DYRK1A: variants seen among roughly 807,000 people sequenced by gnomAD.
DYRK1A encodes the protein dual specificity tyrosine-phosphorylation-regulated kinase 1A.
Under a neutral mutation model 79.7 loss-of-function variants are expected in DYRK1A, and 9 were observed. The ratio of observed to expected loss-of-function variants is 0.11; its 90% CI spans 0.07 to 0.20. DYRK1A has a LOEUF of 0.20. DYRK1A is among the 10% of genes least tolerant of loss of function. The probability of loss-of-function intolerance (pLI) is 1.00; values close to 1 mark genes in which losing one functional copy is unlikely to be tolerated. For missense variants in DYRK1A, 622 were observed against 956.0 expected (o/e 0.65, Z 4.61); for synonymous variants, 349 against 329.7 (o/e 1.06, Z -0.63).
intron 1 of DYRK1A, chr21:37,419,351 G>A (rs2050419064): frequency 6.6e-6 from 1 of 152,182 alleles, no homozygotes; most frequent in South Asian, 2.1e-4. Context: ...GGAATTGAGA[G>A]GGTGCTAACA....
At chr21:37,488,306 A>T in intron 6 of DYRK1A, 6 of 960,866 alleles carry the variant, frequency 6.2e-6, no homozygotes, top group Non-Finnish European at 7.4e-6. Context: ...AAAGAACTTT[A>T]GATTAGACAA....
At chr21:37,499,696 TG>T (rs979088718) in intron 9 of DYRK1A, among the ~76,000 whole-genome samples, 64 of 152,242 alleles carry the variant, frequency 4.2e-4, no homozygotes, top group African/African-American at 1.5e-3. Context: ...GCATTTAAAA[TG>T]TATAATTTCA....
chr21:37,482,952 G>C (rs1047689472), intron 5 of DYRK1A, among the ~76,000 whole-genome samples: 1 of 152,178 alleles, frequency 6.6e-6, no homozygotes, highest in Non-Finnish European at 1.5e-5. Context: ...CCTGAACATT[G>C]CTGTTATCCT....
intron 6 of DYRK1A, chr21:37,487,396 C>A (rs1297662622): frequency 6.6e-6 from 1 of 152,064 alleles, no homozygotes; most frequent in African/African-American, 2.4e-5. Flanking sequence ...GATACATGGG[C>A]AAAATATCTT....
At position 37,525,385 on chromosome 21, in the gene DYRK1A, TA is replaced by T. The variant is rs760977607; in HGVS notation, c.*12858del. The T allele has an allele frequency of 7.2e-5, 11 of 152,192 alleles. No individual in the cohort carries two copies. The highest frequency in any genetic ancestry group is 1.5e-4 in the Non-Finnish European group (10 of 68,040). 9.4% of individuals were successfully genotyped at this position (152,192 alleles called of 1,614,324 possible). A position where few individuals can be genotyped will look rare whatever the true frequency, so the allele number is the denominator to read the frequency against. ...GTGTGTGCAGGGGAACTGCCCTTTA[TA>T]AAACCATCAGATCTCATGAGACTTA... is the stretch of plus-strand genomic sequence containing the variant. On this transcript the variant is annotated 3_prime_UTR_variant, in exon 12 of 12. Coordinates refer to ENST00000647188, the MANE Select transcript of DYRK1A (RefSeq NM_001347721.2).
At chr21:37,417,539 T>TCTTTTTCTTTTTCTTTTTC (rs1256835886) in intron 1 of DYRK1A, among the ~76,000 whole-genome samples, 2 of 109,490 alleles carry the variant, frequency 1.8e-5, no homozygotes, top group Admixed American at 1.8e-4. Flanking sequence ...CTTTTTTTTT[T>TCTTTTTCTTTTTCTTTTTC]TTTTTTTTTT....
chr21:37,506,021 G>A (rs1569398139), intron 10 of DYRK1A, 78 bp from the exon 11 acceptor site: 6 of 1,492,226 alleles, frequency 4.0e-6, no homozygotes, highest in Non-Finnish European at 5.4e-6. Context: ...AGTTTTAATG[G>A]TATAGCTTCA....
At chr21:37,459,777 A>G (rs73903987) in intron 2 of DYRK1A, among the ~76,000 whole-genome samples, 7,948 of 152,268 alleles carry the variant, frequency 0.052, 740 homozygotes, top group African/African-American at 0.18. Context: ...TGCTAGCCTA[A>G]AAGGCATTCT....
chr21:37,403,590 T>A (rs2050091380), intron 1 of DYRK1A, among the ~76,000 whole-genome samples: 1 of 150,944 alleles, frequency 6.6e-6, no homozygotes, highest in African/African-American at 2.4e-5. Context: ...TTCAGCCTCC[T>A]GAATAACTGG....
In DYRK1A at chr21:37,378,514, CAA is replaced by C. The variant is rs371872142; in HGVS notation, c.-77+10887_-77+10888del. ...CGCCATTGCACTCCAGCCTGGGCAA[CAA>C]GAGCGAAACTCCATCTCGAAAAACA... On this transcript the variant is annotated intron_variant, in intron 1 of 11. Coordinates refer to ENST00000647188, the MANE Select transcript of DYRK1A (RefSeq NM_001347721.2). Among the ~76,000 whole-genome samples the C allele has an allele frequency of 8.9e-3, 1,361 of 152,304 alleles. 18 individuals carry two copies. The highest frequency in any genetic ancestry group is 0.031 in the African/African-American group (1,306 of 41,562).
intron 5 of DYRK1A, among the ~76,000 whole-genome samples, chr21:37,483,644 G>A (rs2052740659): frequency 6.6e-6 from 1 of 152,066 alleles, no homozygotes; most frequent in East Asian, 1.9e-4. Context: ...GTGCAGTGGA[G>A]TAGTGATCAT....
chr21:37,398,085 ATATATT>A (rs2049989242), intron 1 of DYRK1A, among the ~76,000 whole-genome samples: 2 of 147,004 alleles, frequency 1.4e-5, no homozygotes, highest in Non-Finnish European at 1.5e-5. Flanking sequence ...AAATATATAT[ATATATT>A]TATATTTATA....
chr21:37,368,474 C>T (rs1337077900), intron 1 of DYRK1A, among the ~76,000 whole-genome samples: 3 of 152,208 alleles, frequency 2.0e-5, no homozygotes, highest in Non-Finnish European at 4.4e-5. Flanking sequence ...GGTTACTTGC[C>T]TGTGCCTTTC....
At chr21:37,381,430 C>A (rs1398536654) in intron 1 of DYRK1A, among the ~76,000 whole-genome samples, 1 of 152,134 alleles carries the variant, frequency 6.6e-6, no homozygotes, top group Non-Finnish European at 1.5e-5. Context: ...ATTCTGTCTT[C>A]TGTATTAAAG....
At chr21:37,432,387 G>C (rs982423923) in intron 2 of DYRK1A, among the ~76,000 whole-genome samples, 1 of 152,140 alleles carries the variant, frequency 6.6e-6, no homozygotes, top group Non-Finnish European at 1.5e-5. Context: ...AAAGAAGCAG[G>C]ATTGCCCTTA....
At position 37,517,192 on chromosome 21, in the gene DYRK1A, GACT is replaced by G. The variant is rs1339313226; in HGVS notation, c.*4663_*4665del. 1 of 152,324 alleles carries G rather than the reference GACT, an allele frequency of 6.6e-6. No homozygotes were observed. The highest frequency in any genetic ancestry group is 1.9e-4 in the East Asian group (1 of 5,182). The allele number at this position is 152,324 out of a possible 1,614,324, so 9.4% of individuals were successfully genotyped here. A position where few individuals can be genotyped will look rare whatever the true frequency, so the allele number is the denominator to read the frequency against. On this transcript the variant is annotated 3_prime_UTR_variant, in exon 12 of 12. Coordinates refer to ENST00000647188, the MANE Select transcript of DYRK1A (RefSeq NM_001347721.2). ...ACAGTACTAGAGCCTGAGTCATGTT[GACT>G]ATTAATAAAGTGCATTAAGTTTGGG...
chr21:37,492,971 G>T, intron 7 of DYRK1A, 46 bp from the exon 8 acceptor site: 2 of 1,459,110 alleles, frequency 1.4e-6, no homozygotes, highest in Non-Finnish European at 1.9e-6. Context: ...AATGCTGACT[G>T]CAGTTTTAAG....
At chr21:37,493,771 TG>T (rs2053171645) in intron 8 of DYRK1A, among the ~76,000 whole-genome samples, 1 of 152,084 alleles carries the variant, frequency 6.6e-6, no homozygotes, top group South Asian at 2.1e-4. Context: ...TGTGGGGTTT[TG>T]TTTGTTTTTT....
chr21:37,515,842 A>AC lies in DYRK1A; in HGVS notation c.*3313dup, dbSNP rs1569412301. 1 of 151,620 alleles carries AC rather than the reference A, an allele frequency of 6.6e-6. No individual in the cohort carries two copies. Among genetic ancestry groups the AC allele is most frequent in the African/African-American group, 2.4e-5 (1 of 41,242 alleles). 9.4% of individuals were successfully genotyped at this position (151,620 alleles called of 1,614,324 possible). A position where few individuals can be genotyped will look rare whatever the true frequency, so the allele number is the denominator to read the frequency against. On this transcript the variant is annotated 3_prime_UTR_variant, in exon 12 of 12. Transcript: ENST00000647188. ...ATGGATATTGGGCTGAAAAAAAAAAACCGACATTTTTATTTAAAACTACAT... is the reference window on the plus strand; with the variant it reads ...ATGGATATTGGGCTGAAAAAAAAAAACCCGACATTTTTATTTAAAACTACAT...
Sources: gnomAD v4.1 joint callset for allele counts (sites outside exome capture counted in the v4.1 genomes callset) on GRCh38, gnomAD v4.1.1 for gene constraint, MANE v1.5 for transcripts, NCBI Gene and HGNC (gene_info 2026-07-23, HGNC 2026-07-21) for gene names.